BCL9L: variants seen among roughly 807,000 people sequenced by gnomAD.
The protein encoded by BCL9L is B-cell CLL/lymphoma 9-like protein.
A neutral mutation model predicts 99.4 loss-of-function variants in BCL9L; 19 were observed. The observed-to-expected ratio is 0.19, with a 90% confidence interval of 0.13 to 0.28. BCL9L has a LOEUF of 0.28. Ranked by LOEUF, BCL9L falls within the 10% of genes least tolerant of loss-of-function variation. BCL9L has a pLI of 1.00. For synonymous variants in BCL9L, 900 were observed against 854.8 expected (o/e 1.05, Z -0.92); for missense variants, 2,023 against 2,101.6 (o/e 0.96, Z 0.73).
Position 118,903,490 on chromosome 11 carries a change from T to G in BCL9L, c.533-38A>C. The stretch of plus-strand genomic sequence containing the variant: ...GGACAGGGAAAGGGGCTAAGTGGTC[T>G]AGATACAAGAAGGACCAGCTGATGC... On this transcript the variant is annotated intron_variant, in intron 5 of 9. Transcript: ENST00000683865. This position sits in a 1 kb window ranked among gnomAD's most constrained non-coding sequence, Gnocchi z 5.6. 6.2e-7 allele frequency: 1 copy of G among 1,601,214 alleles called. No homozygotes were observed. Among genetic ancestry groups the G allele is most frequent in the South Asian group, 1.1e-5 (1 of 90,014 alleles).
In BCL9L at chr11:118,898,872, T is replaced by G. The variant is rs761967582; in HGVS notation, c.4043A>C (p.Gln1348Pro). 6.2e-7 allele frequency: 1 copy of G among 1,614,044 alleles called. No homozygotes were observed. Among genetic ancestry groups the G allele is most frequent in the Admixed American group, 1.7e-5 (1 of 60,016 alleles). ...TLQYFPKSENQPPKAQPPNLH... is the reference protein window; with the variant it reads ...TLQYFPKSENPPPKAQPPNLH... ...ATTAGGGGGCTGAGCCTTGGGGGGC[T>G]GGTTCTCGCTCTTGGGGAAGTACTG... The change falls in exon 10 of 10, where the codon CAG becomes CCG. Residue 1348 changes from glutamine to proline, a missense_variant. Transcript: ENST00000683865.
At position 118,909,954 on chromosome 11, in the gene BCL9L, G is replaced by GT. The variant is rs1940710192; in HGVS notation, c.-16dup. The GT allele has an allele frequency of 1.2e-6, 2 of 1,613,946 alleles. No individual in the cohort carries two copies. The highest frequency in any genetic ancestry group is 3.3e-5 in the Admixed American group (2 of 60,006). On this transcript the variant is annotated 5_prime_UTR_variant, in exon 3 of 10. Transcript: ENST00000683865. ...AGGATCCTCATGGCTCCCACACACAGTGGGGCTACGGCCCCTGTGCGTGCC... is the reference window on the plus strand; with the variant it reads ...AGGATCCTCATGGCTCCCACACACAGTTGGGGCTACGGCCCCTGTGCGTGCC...
In BCL9L at chr11:118,908,509, T is replaced by A; in HGVS notation, c.173A>T (p.Gln58Leu). 6.2e-7 allele frequency: 1 copy of A among 1,614,082 alleles called. No homozygotes were observed. The highest frequency in any genetic ancestry group is 1.3e-5 in the African/African-American group (1 of 75,024). ...GGGTCCTTGGTTCACATTCTGGTGC[T>A]GAGATTGGGCCCCGCCATTCCCTGT... ...GKTGNGGAQS[Q>L]HQNVNQGPTC... The change falls in exon 4 of 10, where the codon CAG (glutamine) becomes CTG (leucine). Residue 58 changes from glutamine (Q) to leucine (L), a missense_variant. By Grantham distance (113) the Gln-to-Leu change is moderately radical. Transcript: ENST00000683865.
Position 118,901,424 on chromosome 11 carries a change from G to A in BCL9L, c.2319C>T (p.Asn773=), listed in dbSNP as rs1323764743. ...TGTTCATGTTCATGTTGACATTCAT[G>A]TTCATGTTGAGGTTGCCTGGCCCCA... ...PPMGPGNLNM[N]MNVNMNMNMN... is the part of the protein sequence containing the mutation. The change falls in exon 8 of 10, where the codon AAC becomes AAT. Residue 773 remains asparagine, a synonymous_variant. Coordinates refer to ENST00000683865, the MANE Select transcript of BCL9L (RefSeq NM_001378213.1). The surrounding 1 kb of genome is among the most constrained non-coding windows in gnomAD (Gnocchi z 6.6). The A allele has an allele frequency of 6.2e-7, 1 of 1,614,054 alleles. No homozygotes were observed. The highest frequency in any genetic ancestry group is 1.7e-5 in the Admixed American group (1 of 60,018).
rs200056568 is a variant in BCL9L at position 118,902,673 on chromosome 11, G to A, written c.1070C>T (p.Thr357Met). The A allele has an allele frequency of 1.0e-4, 162 of 1,599,444 alleles. No individual in the cohort carries two copies. Among genetic ancestry groups the A allele is most frequent in the Admixed American group, 3.3e-4 (20 of 60,006 alleles). ...GTGGTHPNTP[T>M]ATTANNPLPP... ...CAGAGGGTTGTTGGCGGTGGTAGCCGTCGGGGTGTTAGGGTGGGTGCCCCC... is the reference window on the plus strand; with the variant it reads ...CAGAGGGTTGTTGGCGGTGGTAGCCATCGGGGTGTTAGGGTGGGTGCCCCC... Residue 357 changes from threonine (T) to methionine (M), a missense_variant, in exon 8 of 10, where the codon ACG (threonine) becomes ATG (methionine). By Grantham distance (81) the Thr-to-Met change is moderately conservative (BLOSUM62 -1). Around this residue, in one of 3 missense-constraint regions of BCL9L, gnomAD observed 1,116 missense variants for 1,194.6 expected, o/e 0.93. Coordinates refer to ENST00000683865, the MANE Select transcript of BCL9L (RefSeq NM_001378213.1). This position sits in a 1 kb window ranked among gnomAD's most constrained non-coding sequence, Gnocchi z 7.8.
Position 118,902,222 on chromosome 11 carries a change from C to T in BCL9L, c.1521G>A (p.Arg507=), listed in dbSNP as rs760443854. 1.2e-6 allele frequency: 2 copies of T among 1,613,292 alleles called. No homozygotes were observed. The highest frequency in any genetic ancestry group is 1.7e-6 in the Non-Finnish European group (2 of 1,179,588). The change falls in exon 8 of 10, where the codon AGG becomes AGA. Residue 507 remains arginine, a synonymous_variant. Coordinates refer to ENST00000683865, the MANE Select transcript of BCL9L (RefSeq NM_001378213.1). This position sits in a 1 kb window ranked among gnomAD's most constrained non-coding sequence, Gnocchi z 7.8. The part of the protein sequence containing the change: ...MGQQMNMMIQ[R]LGQDSLTPEQ... ...CAGGCGTGAGGCTGTCCTGGCCCAG[C>T]CTCTGTATCATCATGTTCATCTGCT...
intron 3 of BCL9L, among the ~76,000 whole-genome samples, chr11:118,909,219 G>A (rs759495470): frequency 2.0e-5 from 3 of 152,182 alleles, no homozygotes; most frequent in Non-Finnish European, 4.4e-5. Flanking sequence ...GAGGAGGGGG[G>A]CTTGGCAGGC....
chr11:118,909,071 T>A (rs1301180167), intron 3 of BCL9L, among the ~76,000 whole-genome samples: 1 of 152,132 alleles, frequency 6.6e-6, no homozygotes, highest in Non-Finnish European at 1.5e-5. Context: ...TCAACTCCCA[T>A]ATGTCCCAAC....
At chr11:118,905,278 G>A (rs1309261938) in intron 5 of BCL9L, among the ~76,000 whole-genome samples, 3 of 152,168 alleles carry the variant, frequency 2.0e-5, no homozygotes, top group Non-Finnish European at 4.4e-5. Flanking sequence ...GGAGGCCGAG[G>A]CGGGCGGATC....
rs533305640 is a variant in BCL9L, at chr11:118,902,430, G to A, written c.1313C>T (p.Ala438Val). 9.4e-6 allele frequency: 15 copies of A among 1,589,736 alleles called. No homozygotes were observed. The East Asian group carries it at 1.3e-4, about 14-fold the overall frequency. The change falls in exon 8 of 10, where the codon GCG becomes GTG. Residue 438 changes from alanine to valine, a missense_variant. Coordinates refer to ENST00000683865, the MANE Select transcript of BCL9L (RefSeq NM_001378213.1). This position sits in a 1 kb window ranked among gnomAD's most constrained non-coding sequence, Gnocchi z 7.8. ...TTGTGCTGGTGGGCCCCCCTCACCC[G>A]CTCCTCCTGGGGGCCCCTTGAGGAA... ...EPFLKGPPGG[A>V]GEGGPPAQAP...
At chr11:118,909,780 C>T in intron 3 of BCL9L, 134 bp downstream of exon 3, 1 of 1,438,472 alleles carries the variant, frequency 7.0e-7, no homozygotes, top group Non-Finnish European at 9.6e-7. Context: ...CCCTTTAGCC[C>T]ACTGGTGGCC....
rs1024497852 is a variant in BCL9L at position 118,908,599 on chromosome 11, C to T, written c.83G>A (p.Gly28Asp). ...APGSPPLSPR[G>D]HCPPAPAKPM... ...CTTGGCTGGGGCAGGGGGGCAATGA[C>T]CGCGGGGGGACAGCGGCGGGCTCCC... Residue 28 changes from glycine to aspartate, a missense_variant, in exon 4 of 10, where the codon GGT (glycine) becomes GAT (aspartate). Transcript: ENST00000683865. 1.2e-6 allele frequency: 2 copies of T among 1,613,224 alleles called. No homozygotes were observed. The highest frequency in any genetic ancestry group is 1.7e-6 in the Non-Finnish European group (2 of 1,179,926).
At position 118,922,464 on chromosome 11, in the gene BCL9L, C is replaced by A. The variant is rs553697776; in HGVS notation, c.-131+2774G>T. Among the ~76,000 whole-genome samples, 1 of 152,330 alleles carries A rather than the reference C, an allele frequency of 6.6e-6. No homozygotes were observed. The highest frequency in any genetic ancestry group is 1.5e-5 in the Non-Finnish European group (1 of 68,010). The stretch of plus-strand genomic sequence containing the variant: ...CCCTTCCTCAGTTCCCTGAGGGCAG[C>A]CCCCACGGTGTGTTTGTGGGTGGGC... On this transcript the variant is annotated intron_variant, in intron 1 of 9. Transcript: ENST00000683865. The surrounding 1 kb of genome is among the most constrained non-coding windows in gnomAD (Gnocchi z 6.2).
chr11:118,913,671 AGCCCACCCCC>A (rs1940877526), intron 2 of BCL9L, among the ~76,000 whole-genome samples: 1 of 151,786 alleles, frequency 6.6e-6, no homozygotes, highest in Middle Eastern at 3.4e-3. Flanking sequence ...AGGAAACCAC[AGCCCACCCCC>A]GCCCACCCCA....
chr11:118,899,571 T>C, intron 9 of BCL9L, 63 bp from the exon 10 acceptor site: 1 of 1,573,468 alleles, frequency 6.4e-7, no homozygotes, highest in East Asian at 2.3e-5. Context: ...GGTGCAGGGC[T>C]CAGGCCTTCC....
Position 118,925,841 on chromosome 11 carries a change from C to T in BCL9L, c.-734G>A, listed in dbSNP as rs1293592835. Among the ~76,000 whole-genome samples, 4 of 151,130 alleles carry T rather than the reference C, an allele frequency of 2.6e-5. No individual in the cohort carries two copies. The highest frequency in any genetic ancestry group is 5.9e-5 in the Non-Finnish European group (4 of 67,708). On this transcript the variant is annotated 5_prime_UTR_variant, in exon 1 of 10. Transcript: ENST00000683865. This position sits in a 1 kb window ranked among gnomAD's most constrained non-coding sequence, Gnocchi z 6.4. ...CCGGGGCATGTCCAGCCACTGGCTC[C>T]GCCGCGCGCCGCCGCCTCCCCGGGC...
In BCL9L at chr11:118,907,510, C is replaced by T; in HGVS notation, c.505G>A (p.Asp169Asn). 1 of 1,614,202 alleles carries T rather than the reference C, an allele frequency of 6.2e-7. No homozygotes were observed. The highest frequency in any genetic ancestry group is 8.5e-7 in the Non-Finnish European group (1 of 1,180,034). Residue 169 changes from aspartate to asparagine, a missense_variant, in exon 5 of 10, where the codon GAC becomes AAC. Asp to Asn is a conservative substitution (Grantham distance 23, BLOSUM62 1). Transcript: ENST00000683865. ...EWCSGPDSEE[D>N]DKPIGATHNC... ...TGGGTGGCCCCAATGGGCTTGTCGT[C>T]CTCCTCACTGTCCGGTCCAGAGCAC...
chr11:118,909,999 C>A lies in BCL9L; in HGVS notation c.-60G>T. ...CGTGCCCAGGGCCCAGCCAGGTACT[C>A]GGTACTGGAGCACGGACTGCAGCAA... On this transcript the variant is annotated 5_prime_UTR_variant, in exon 3 of 10. Coordinates refer to ENST00000683865, the MANE Select transcript of BCL9L (RefSeq NM_001378213.1). 1.9e-6 allele frequency: 3 copies of A among 1,611,818 alleles called. No homozygotes were observed. The highest frequency in any genetic ancestry group is 2.5e-6 in the Non-Finnish European group (3 of 1,178,534).
At position 118,897,925 on chromosome 11, in the gene BCL9L, C is replaced by G. The variant is rs762011943; in HGVS notation, c.*490G>C. On this transcript the variant is annotated 3_prime_UTR_variant, in exon 10 of 10. Transcript: ENST00000683865. ...CAGCCACATCAGCAGGGAAAGGATA[C>G]GAAGCAGGTAAAGACAGAAGGAAAA... 2 of 450,974 alleles carry G rather than the reference C, an allele frequency of 4.4e-6. No individual in the cohort carries two copies. Among genetic ancestry groups the G allele is most frequent in the Non-Finnish European group, 8.8e-6 (2 of 226,660 alleles). The allele number at this position is 450,974 out of a possible 1,614,324, so 27.9% of individuals were successfully genotyped here.
Sources: allele counts gnomAD v4.1 joint callset (sites outside exome capture counted in the v4.1 genomes callset), GRCh38; gene constraint gnomAD v4.1.1; regional missense constraint gnomAD v4.1.1; non-coding constraint Gnocchi (gnomAD v3.1); transcripts MANE v1.5; gene names NCBI Gene and HGNC (gene_info 2026-07-23, HGNC 2026-07-21).